MARCHF4: variants seen among roughly 807,000 people sequenced by gnomAD.
MARCHF4 encodes membrane associated ring-CH-type finger 4, also known as E3 ubiquitin-protein ligase MARCHF4.
Under a neutral mutation model 43.9 loss-of-function variants are expected in MARCHF4, and 14 were observed. The observed-to-expected ratio is 0.32, with a 90% CI of 0.21 to 0.50. The LOEUF (loss-of-function observed/expected upper bound fraction) is 0.50. MARCHF4 is among the 20% of genes least tolerant of loss of function. The pLI, the probability that MARCHF4 is intolerant of heterozygous loss-of-function variation, is 0.98. For missense variants in MARCHF4, 468 were observed against 536.7 expected (o/e 0.87, Z 1.27); for synonymous variants, 226 against 213.3 (o/e 1.06, Z -0.52).
chr2:216,353,190 G>C (rs16855951), intron 1 of MARCHF4, among the ~76,000 whole-genome samples: 57,331 of 151,856 alleles, frequency 0.38, 11,183 homozygotes, highest in East Asian at 0.52. Context: ...CTGCCAAGTA[G>C]CCTCACATTT....
intron 1 of MARCHF4, among the ~76,000 whole-genome samples, chr2:216,322,596 C>T (rs561323155): frequency 2.6e-5 from 4 of 152,186 alleles, no homozygotes; most frequent in East Asian, 1.9e-4. Context: ...CCGAGGCAGG[C>T]GGATCACCTG....
intron 1 of MARCHF4, among the ~76,000 whole-genome samples, chr2:216,297,767 C>T (rs540070787): frequency 2.6e-5 from 4 of 152,182 alleles, no homozygotes; most frequent in African/African-American, 4.8e-5. Flanking sequence ...CCACTCGGCT[C>T]GGCATCCCAA....
At position 216,372,340 on chromosome 2, in the gene MARCHF4, C is replaced by G. The variant is rs1436135259; in HGVS notation, c.-2080G>C. On this transcript the variant is annotated 5_prime_UTR_variant, in exon 1 of 4. Coordinates refer to ENST00000273067, the MANE Select transcript of MARCHF4 (RefSeq NM_020814.3). ...GCCGCCGCTGCTGCATTCAGCACCC[C>G]GGGCGAGTGGACAGCTCCCACCCAG... Among the ~76,000 whole-genome samples, 1 of 152,110 alleles carries G rather than the reference C, an allele frequency of 6.6e-6. No homozygotes were observed. The highest frequency in any genetic ancestry group is 2.1e-4 in the South Asian group (1 of 4,820).
At chr2:216,325,403 C>T (rs147727756) in intron 1 of MARCHF4, among the ~76,000 whole-genome samples, 1,772 of 152,250 alleles carry the variant, frequency 0.012, 30 homozygotes, top group African/African-American at 0.041. Context: ...AGGTAATTTA[C>T]AGATTCAATG....
chr2:216,336,680 C>CT (rs1692160743), intron 1 of MARCHF4, among the ~76,000 whole-genome samples: 1 of 136,988 alleles, frequency 7.3e-6, no homozygotes, highest in Non-Finnish European at 1.5e-5. Context: ...TAGATCGATT[C>CT]AGTGTTGGTA....
At chr2:216,352,123 C>G (rs1692412409) in intron 1 of MARCHF4, among the ~76,000 whole-genome samples, 1 of 152,158 alleles carries the variant, frequency 6.6e-6, no homozygotes, top group African/African-American at 2.4e-5. Context: ...ATTTGCCAAC[C>G]ACATTGGAGG....
chr2:216,307,249 C>T (rs1306219878), intron 1 of MARCHF4, among the ~76,000 whole-genome samples: 3 of 152,212 alleles, frequency 2.0e-5, no homozygotes, highest in East Asian at 1.9e-4. Context: ...GGGGCTCAAC[C>T]GCTGGCTGAG....
At chr2:216,294,531 C>T (rs1284032820) in intron 1 of MARCHF4, among the ~76,000 whole-genome samples, 2 of 152,206 alleles carry the variant, frequency 1.3e-5, no homozygotes, top group Non-Finnish European at 2.9e-5. Context: ...AAGATCTTTC[C>T]TAAGAATCAA....
intron 1 of MARCHF4, among the ~76,000 whole-genome samples, chr2:216,307,916 C>T (rs1479154624): frequency 6.6e-6 from 1 of 152,120 alleles, no homozygotes; most frequent in Admixed American, 6.5e-5. Flanking sequence ...CTTAGCTAGG[C>T]ATGGTGGCAT....
intron 1 of MARCHF4, among the ~76,000 whole-genome samples, chr2:216,324,549 C>T (rs78649685): frequency 7.3e-5 from 11 of 151,582 alleles, no homozygotes; most frequent in Non-Finnish European, 1.5e-4. Context: ...TGATGAACAT[C>T]GATGCAAAAA....
intron 1 of MARCHF4, among the ~76,000 whole-genome samples, chr2:216,342,514 G>A (rs1026486411): frequency 6.6e-6 from 1 of 152,188 alleles, no homozygotes; most frequent in African/African-American, 2.4e-5. Flanking sequence ...AGAGGGACTG[G>A]CAAGGTTGCT....
chr2:216,348,001 C>T (rs1381236528), intron 1 of MARCHF4, among the ~76,000 whole-genome samples: 1 of 149,206 alleles, frequency 6.7e-6, no homozygotes, highest in Non-Finnish European at 1.5e-5. Flanking sequence ...CTGAGACTCA[C>T]TGGGCTGCAT....
Position 216,369,728 on chromosome 2 carries a change from G to A in MARCHF4, c.516+17C>T. 1 of 1,540,238 alleles carries A rather than the reference G, an allele frequency of 6.5e-7. No individual in the cohort carries two copies. Among genetic ancestry groups the A allele is most frequent in the Non-Finnish European group, 8.8e-7 (1 of 1,140,222 alleles). ...GAAAATACCACAGGAAGCAGGAGAA[G>A]AGAAAAGGGGACTCACCTGTTCTGG... On this transcript the variant is annotated intron_variant, in intron 1 of 3. Transcript: ENST00000273067.
intron 1 of MARCHF4, among the ~76,000 whole-genome samples, chr2:216,289,753 G>A (rs987578969): frequency 1.3e-5 from 2 of 152,226 alleles, no homozygotes; most frequent in Non-Finnish European, 2.9e-5. Context: ...ACAGTCTAGT[G>A]TAGCAAAGGC....
At chr2:216,318,493 T>A (rs72944633) in intron 1 of MARCHF4, among the ~76,000 whole-genome samples, 5,429 of 152,074 alleles carry the variant, frequency 0.036, 156 homozygotes, top group Middle Eastern at 0.1. Flanking sequence ...AATAAAGGGA[T>A]GGAGAGCAAT....
intron 1 of MARCHF4, among the ~76,000 whole-genome samples, chr2:216,339,616 G>T (rs1692208364): frequency 6.6e-6 from 1 of 152,204 alleles, no homozygotes; most frequent in African/African-American, 2.4e-5. Context: ...TTCAGCAAGA[G>T]TGAAAGTGGC....
intron 1 of MARCHF4, among the ~76,000 whole-genome samples, chr2:216,367,449 GA>G (rs111286697): frequency 0.33 from 49,530 of 148,644 alleles, 8,319 homozygotes; most frequent in East Asian, 0.52. Context: ...GAAATGCTGT[GA>G]AAAAAAAAAT....
intron 3 of MARCHF4, among the ~76,000 whole-genome samples, chr2:216,270,867 C>G (rs1371895581): frequency 1.3e-5 from 2 of 152,186 alleles, no homozygotes; most frequent in Non-Finnish European, 2.9e-5. Context: ...GTCATCCCTA[C>G]ACTTCTTCCC....
chr2:216,282,987 C>CA (rs11415143), intron 2 of MARCHF4, among the ~76,000 whole-genome samples: 26,171 of 152,108 alleles, frequency 0.17, 4,550 homozygotes, highest in African/African-American at 0.45. Context: ...CCGAATACAA[C>CA]ATCCCTGCTC....
Sources: gnomAD v4.1 joint callset for allele counts (sites outside exome capture counted in the v4.1 genomes callset) on GRCh38, gnomAD v4.1.1 for gene constraint, MANE v1.5 for transcripts, NCBI Gene and HGNC (gene_info 2026-07-23, HGNC 2026-07-21) for gene names.